HS2ST1: variants seen among roughly 807,000 people sequenced by gnomAD.
HS2ST1 encodes the protein 2-O-sulfotransferase.
A neutral mutation model predicts 42.9 loss-of-function variants in HS2ST1; 18 were observed. That is an observed-to-expected ratio of 0.42 (90% CI 0.29 to 0.62). HS2ST1 has a LOEUF of 0.62. HS2ST1 is among the 20% of genes least tolerant of loss of function. HS2ST1 has a pLI of 0.21. For synonymous variants in HS2ST1, 146 were observed against 152.9 expected, an observed-to-expected ratio of 0.95 and a Z score of 0.33; for missense variants, 334 against 433.8, an observed-to-expected ratio of 0.77 and a Z score of 2.04.
intron 1 of HS2ST1, among the ~76,000 whole-genome samples, chr1:87,038,018 CTT>C (rs1230964585): frequency 6.6e-6 from 1 of 151,948 alleles, no homozygotes; most frequent in African/African-American, 2.4e-5. Context: ...CAGTGAAAAT[CTT>C]TATATTGTTA....
rs190582520 is a variant in HS2ST1, at chr1:86,990,409, T to C, written c.124+75249T>C. 1.7e-4 allele frequency among the ~76,000 whole-genome samples: 26 copies of C among 152,270 alleles called. No individual in the cohort carries two copies. The East Asian group carries it at 4.6e-3, about 27-fold the overall frequency. ...AGAAATTAAGCATCACATTTTTACG[T>C]TGAATCTTGGTTTTGCCTCTCAGAT... On this transcript the variant is annotated intron_variant, in intron 1 of 6. Coordinates refer to ENST00000370550, the MANE Select transcript of HS2ST1 (RefSeq NM_012262.4).
chr1:87,036,921 T>G (rs1363797082), intron 1 of HS2ST1, among the ~76,000 whole-genome samples: 1 of 152,184 alleles, frequency 6.6e-6, no homozygotes, highest in Non-Finnish European at 1.5e-5. Flanking sequence ...TTTTGATGCT[T>G]AAAAGGATAA....
chr1:86,925,930 CT>C (rs1660407749), intron 1 of HS2ST1, among the ~76,000 whole-genome samples: 1 of 152,160 alleles, frequency 6.6e-6, no homozygotes, highest in South Asian at 2.1e-4. Flanking sequence ...TAATTTTTAA[CT>C]GGATGGCAGA....
intron 1 of HS2ST1, among the ~76,000 whole-genome samples, chr1:87,041,379 C>T (rs1308124273): frequency 1.3e-5 from 2 of 151,416 alleles, no homozygotes; most frequent in African/African-American, 4.9e-5. Flanking sequence ...AGAATGAGAT[C>T]CTGTCTCAAA....
rs565841665 is a variant in HS2ST1, at chr1:87,018,039, A to G, written c.125-54895A>G. On this transcript the variant is annotated intron_variant, in intron 1 of 6. Coordinates refer to ENST00000370550, the MANE Select transcript of HS2ST1 (RefSeq NM_012262.4). ...TTACATCTTTATTTTCCATTTCCCA[A>G]GGTAAAACATAGCAGTTTGGAATTC... 2.6e-5 allele frequency among the ~76,000 whole-genome samples: 4 copies of G among 152,128 alleles called. No individual in the cohort carries two copies. The South Asian group carries it at 8.3e-4, about 32-fold the overall frequency.
chr1:86,947,877 A>G (rs1319198425), intron 1 of HS2ST1, among the ~76,000 whole-genome samples: 1 of 152,176 alleles, frequency 6.6e-6, no homozygotes, highest in African/African-American at 2.4e-5. Flanking sequence ...AAGATGGTAT[A>G]GGCAGAAAAG....
intron 5 of HS2ST1, among the ~76,000 whole-genome samples, chr1:87,100,334 C>G (rs1478737458): frequency 6.6e-6 from 1 of 152,204 alleles, no homozygotes; most frequent in Non-Finnish European, 1.5e-5. Context: ...GTGGCCCAAG[C>G]TATACCTGGA....
At chr1:87,021,086 T>TC (rs1649936073) in intron 1 of HS2ST1, among the ~76,000 whole-genome samples, 2 of 152,160 alleles carry the variant, frequency 1.3e-5, no homozygotes, top group South Asian at 4.1e-4. Context: ...ACTTAAGGAA[T>TC]TTAGTGCAGG....
intron 1 of HS2ST1, among the ~76,000 whole-genome samples, chr1:87,004,933 G>A (rs964766763): frequency 6.6e-6 from 1 of 152,100 alleles, no homozygotes; most frequent in Non-Finnish European, 1.5e-5. Context: ...TTTTAATTAG[G>A]TCATCCTTGG....
chr1:87,023,768 A>G (rs1229769315), intron 1 of HS2ST1, among the ~76,000 whole-genome samples: 1 of 152,218 alleles, frequency 6.6e-6, no homozygotes, highest in African/African-American at 2.4e-5. Context: ...TTCTAAATGT[A>G]AAATTGAGGA....
At chr1:87,020,080 G>A (rs1348347336) in intron 1 of HS2ST1, among the ~76,000 whole-genome samples, 1 of 152,174 alleles carries the variant, frequency 6.6e-6, no homozygotes, top group Non-Finnish European at 1.5e-5. Flanking sequence ...TGGGAGTAGA[G>A]CTGGAGATGT....
intron 1 of HS2ST1, among the ~76,000 whole-genome samples, chr1:87,052,190 C>G (rs1021657468): frequency 6.6e-6 from 1 of 152,138 alleles, no homozygotes; most frequent in Non-Finnish European, 1.5e-5. Flanking sequence ...GAGGTCGAGG[C>G]TGCAGTGAGC....
At chr1:87,099,411 G>A (rs1052302724) in intron 5 of HS2ST1, among the ~76,000 whole-genome samples, 1 of 152,148 alleles carries the variant, frequency 6.6e-6, no homozygotes, top group Non-Finnish European at 1.5e-5. Context: ...TGGGGGTATG[G>A]TTCCCAGACT....
intron 2 of HS2ST1, among the ~76,000 whole-genome samples, chr1:87,078,219 T>C (rs1651595979): frequency 6.6e-6 from 1 of 152,230 alleles, no homozygotes; most frequent in African/African-American, 2.4e-5. Context: ...GCTTTTGTTA[T>C]CACAGATAAT....
At chr1:86,972,955 A>G (rs958726392) in intron 1 of HS2ST1, among the ~76,000 whole-genome samples, 1 of 152,150 alleles carries the variant, frequency 6.6e-6, no homozygotes, top group African/African-American at 2.4e-5. Context: ...TGCTCTCATG[A>G]TTGGGCCAGA....
At chr1:87,091,309 G>A (rs1210595844) in intron 3 of HS2ST1, among the ~76,000 whole-genome samples, 2 of 151,994 alleles carry the variant, frequency 1.3e-5, no homozygotes, top group Admixed American at 6.6e-5. Context: ...TGATATGGGA[G>A]GAGATAAAAG....
chr1:86,984,254 T>C (rs1292404882), intron 1 of HS2ST1, among the ~76,000 whole-genome samples: 1 of 152,138 alleles, frequency 6.6e-6, no homozygotes, highest in Non-Finnish European at 1.5e-5. Flanking sequence ...AGAGAGAAGC[T>C]GAAGGTGATT....
chr1:87,101,149 G>GTTTTTTTTTTTTTTTT lies in HS2ST1; in HGVS notation c.687-2277_687-2276insTTTTTTTTTTTTTTTT, dbSNP rs1177785858. Among the ~76,000 whole-genome samples, 23 of 59,566 alleles carry GTTTTTTTTTTTTTTTT rather than the reference G, an allele frequency of 3.9e-4. 9 individuals carry two copies. The highest frequency in any genetic ancestry group is 5.0e-4 in the Non-Finnish European group (17 of 33,768). 39.1% of individuals were successfully genotyped at this position (59,566 alleles called of 152,430 possible). ...TCATCACTTTTGTGTGTGTGTGTGTGTTTTTTGTTTTTTTTTTTTTTTTTT... is the reference window on the plus strand; with the variant it reads ...TCATCACTTTTGTGTGTGTGTGTGTGTTTTTTTTTTTTTTTTTTTTTTGTTTTTTTTTTTTTTTTTT... On this transcript the variant is annotated intron_variant, in intron 5 of 6. Transcript: ENST00000370550.
intron 1 of HS2ST1, among the ~76,000 whole-genome samples, chr1:87,066,166 GC>G (rs1379223942): frequency 6.6e-6 from 1 of 152,104 alleles, no homozygotes; most frequent in Non-Finnish European, 1.5e-5. Flanking sequence ...GTCTTTAAGG[GC>G]CTGTCAGTAT....
Sources: allele counts gnomAD v4.1 joint callset (sites outside exome capture counted in the v4.1 genomes callset), GRCh38; gene constraint gnomAD v4.1.1; transcripts MANE v1.5; gene names NCBI Gene and HGNC (gene_info 2026-07-23, HGNC 2026-07-21).